The following OPA1 variants were observed in gnomAD, a reference collection of about 807,000 sequenced individuals.
The protein encoded by OPA1 is dynamin-like GTPase OPA1, mitochondrial.
In OPA1, 59 loss-of-function variants were observed where a neutral mutation model predicts 152.9. The observed-to-expected ratio is 0.39, with a 90% CI of 0.31 to 0.48. The LOEUF (loss-of-function observed/expected upper bound fraction) is 0.48. Among genes scored for constraint, OPA1 ranks in the 20% least tolerant of loss-of-function variants. The pLI, the probability that OPA1 is intolerant of heterozygous loss-of-function variation, is 0.96. For missense variants in OPA1, 1,008 were observed against 1,216.8 expected (o/e 0.83, Z 2.55); for synonymous variants, 400 against 389.9 (o/e 1.03, Z -0.31).
chr3:193,684,698 G>A (rs537165320), intron 29 of OPA1, among the ~76,000 whole-genome samples: 2 of 152,008 alleles, frequency 1.3e-5, no homozygotes, highest in East Asian at 3.9e-4. Context: ...TGATCCACCC[G>A]CCTCGGCCTC....
chr3:193,611,881 A>AT (rs773266309), intron 1 of OPA1, among the ~76,000 whole-genome samples: 60 of 151,836 alleles, frequency 4.0e-4, no homozygotes, highest in Admixed American at 3.3e-4. Context: ...TGATGGACCA[A>AT]TTTTTTGTGG....
intron 6 of OPA1, among the ~76,000 whole-genome samples, chr3:193,620,505 A>G (rs889593144): frequency 1.3e-5 from 2 of 152,200 alleles, no homozygotes; most frequent in African/African-American, 4.8e-5. Context: ...ATTATGTTCT[A>G]ATTTACTCTT....
chr3:193,691,145 C>T (rs1245342020), intron 29 of OPA1, among the ~76,000 whole-genome samples: 2 of 152,212 alleles, frequency 1.3e-5, no homozygotes, highest in East Asian at 3.9e-4. Flanking sequence ...CACCTGAGCT[C>T]AGGAGGTTGA....
At chr3:193,638,605 C>T (rs1379162214) in intron 11 of OPA1, among the ~76,000 whole-genome samples, 1 of 152,162 alleles carries the variant, frequency 6.6e-6, no homozygotes, top group African/African-American at 2.4e-5. Flanking sequence ...TATTTCTAAA[C>T]AGTACTAACA....
chr3:193,665,108 A>G (rs1276649973), intron 27 of OPA1, 112 bp downstream of exon 27: 19 of 678,074 alleles, frequency 2.8e-5, no homozygotes, highest in South Asian at 3.3e-5. Flanking sequence ...CATCTGGGGA[A>G]AAAAAGTATG....
intron 6 of OPA1, among the ~76,000 whole-genome samples, chr3:193,620,014 T>G (rs1156480466): frequency 1.3e-5 from 2 of 152,198 alleles, no homozygotes; most frequent in Non-Finnish European, 2.9e-5. Context: ...TTTTTGACCC[T>G]CTTTTGCATT....
chr3:193,632,594 C>T (rs1029944770), intron 8 of OPA1, among the ~76,000 whole-genome samples: 4 of 152,176 alleles, frequency 2.6e-5, no homozygotes, highest in Non-Finnish European at 5.9e-5. Context: ...ATCAGCTGGG[C>T]ATGGTGGGTC....
At chr3:193,666,413 CT>C (rs777282263) in intron 28 of OPA1, 24 bp downstream of exon 28, 1 of 1,522,252 alleles carries the variant, frequency 6.6e-7, no homozygotes, top group Non-Finnish European at 9.1e-7. Context: ...GGACTGCAGT[CT>C]TATTTTGACA....
intron 30 of OPA1, among the ~76,000 whole-genome samples, chr3:193,692,380 A>G (rs1051734001): frequency 1.3e-5 from 2 of 152,198 alleles, no homozygotes; most frequent in Non-Finnish European, 2.9e-5. Flanking sequence ...GTGAACACAG[A>G]GCTAAGATAT....
intron 1 of OPA1, among the ~76,000 whole-genome samples, chr3:193,606,208 T>C (rs1727240220): frequency 6.6e-6 from 1 of 152,150 alleles, no homozygotes; most frequent in Admixed American, 6.5e-5. Flanking sequence ...TTCTGGGACC[T>C]CTTGATTTGA....
At chr3:193,657,345 A>G in intron 23 of OPA1, 113 bp downstream of exon 23, 1 of 1,062,364 alleles carries the variant, frequency 9.4e-7, no homozygotes, top group South Asian at 1.4e-5. Context: ...ATTAAAAATA[A>G]TGAAGTAAAG....
chr3:193,684,214 A>G (rs2367721), intron 29 of OPA1, among the ~76,000 whole-genome samples: 63,469 of 151,670 alleles, frequency 0.42, 13,546 homozygotes, highest in Non-Finnish European at 0.43. Context: ...GCGGGCTAAC[A>G]TGCGTAGTTC....
intron 3 of OPA1, 61 bp from the exon 4 acceptor site, chr3:193,617,117 T>G: frequency 9.8e-7 from 1 of 1,022,146 alleles, no homozygotes; most frequent in Middle Eastern, 2.2e-4. Flanking sequence ...TAGCCCTTTA[T>G]AAGAATAGTA....
chr3:193,639,560 G>A (rs758049913), intron 11 of OPA1, among the ~76,000 whole-genome samples: 51 of 152,302 alleles, frequency 3.3e-4, no homozygotes, highest in African/African-American at 4.8e-4. Context: ...TGGTCAGGTC[G>A]GGGTGAAGAG....
At chr3:193,634,020 G>C (rs1436500753) in intron 8 of OPA1, among the ~76,000 whole-genome samples, 1 of 152,170 alleles carries the variant, frequency 6.6e-6, no homozygotes, top group Non-Finnish European at 1.5e-5. Flanking sequence ...TGGACTTGCT[G>C]TAAGGATAGA....
chr3:193,694,140 C>T (rs1722031157), intron 30 of OPA1, among the ~76,000 whole-genome samples: 1 of 152,192 alleles, frequency 6.6e-6, no homozygotes, highest in Admixed American at 6.5e-5. Flanking sequence ...TGACTTAAGA[C>T]TCTGTGAACT....
chr3:193,678,779 C>T (rs1384912518), intron 29 of OPA1, among the ~76,000 whole-genome samples: 5 of 152,134 alleles, frequency 3.3e-5, no homozygotes, highest in Non-Finnish European at 7.4e-5. Context: ...CCTGGCCTTC[C>T]TTTGTGTGCT....
rs569097946 is a variant in OPA1, at chr3:193,668,750, C to G, written c.2983+1470C>G. 420 of 1,253,962 alleles carry G rather than the reference C, an allele frequency of 3.3e-4. 2 individuals are homozygous for G. In the South Asian group the frequency reaches 5.0e-3, roughly 15 times the overall value. 77.7% of individuals were successfully genotyped at this position (1,253,962 alleles called of 1,614,324 possible). On this transcript the variant is annotated intron_variant, in intron 29 of 30. Coordinates refer to ENST00000361510, the MANE Select transcript of OPA1 (RefSeq NM_130837.3). ...TACCATGGCTTCCCCTTCCCACCCC[C>G]CTAGCTTGGCCCTACTAATAATCAC... is the stretch of plus-strand genomic sequence containing the variant.
chr3:193,604,967 C>G (rs1002282078), intron 1 of OPA1, among the ~76,000 whole-genome samples: 7 of 152,024 alleles, frequency 4.6e-5, no homozygotes, highest in Admixed American at 4.6e-4. Flanking sequence ...AGTCAATTTC[C>G]GGGCACTCCT....
Sources: allele counts gnomAD v4.1 joint callset (sites outside exome capture counted in the v4.1 genomes callset), GRCh38; gene constraint gnomAD v4.1.1; transcripts MANE v1.5; gene names NCBI Gene and HGNC (gene_info 2026-07-23, HGNC 2026-07-21).